LARS2: variants seen among roughly 807,000 people sequenced by gnomAD.
The protein encoded by LARS2 is leucine--tRNA ligase, mitochondrial.
In LARS2, 81 loss-of-function variants were observed where a neutral mutation model predicts 116.6. That is an observed-to-expected ratio of 0.69 (90% CI 0.58 to 0.84). The LOEUF is 0.84. LARS2 is among the 40% of genes least tolerant of loss of function. LARS2 has a pLI of 0.00. For missense variants in LARS2, 968 were observed against 1,114.5 expected, an observed-to-expected ratio of 0.87 and a Z score of 1.87; for synonymous variants, 396 against 407.2, an observed-to-expected ratio of 0.97 and a Z score of 0.33.
chr3:45,485,640 G>A, intron 10 of LARS2, 52 bp from the exon 11 acceptor site: 1 of 962,504 alleles, frequency 1.0e-6, no homozygotes. Flanking sequence ...GATTCAGATG[G>A]TGTTGGTGTC....
intron 6 of LARS2, among the ~76,000 whole-genome samples, chr3:45,426,395 G>T (rs752101015): frequency 1.3e-5 from 2 of 152,234 alleles, no homozygotes; most frequent in Non-Finnish European, 2.9e-5. Flanking sequence ...CCTCTTTCAA[G>T]TGCTCACAGA....
At chr3:45,438,727 C>A (rs374908017) in intron 6 of LARS2, among the ~76,000 whole-genome samples, 1 of 151,544 alleles carries the variant, frequency 6.6e-6, no homozygotes, top group African/African-American at 2.4e-5. Flanking sequence ...CCCAGCTACT[C>A]TGGAGGCTGA....
In LARS2 at chr3:45,447,507, C is replaced by G. The variant is rs549057899; in HGVS notation, c.606+527C>G. On this transcript the variant is annotated intron_variant, in intron 7 of 21. Coordinates refer to ENST00000645846, the MANE Select transcript of LARS2 (RefSeq NM_015340.4). ...ATGTTATTATTGTGGGAATGAGCTCCCAATAAAAGGATGAGTTCAGCCAAA... is the reference window on the plus strand; with the variant it reads ...ATGTTATTATTGTGGGAATGAGCTCGCAATAAAAGGATGAGTTCAGCCAAA... Among the ~76,000 whole-genome samples, 136 of 150,602 alleles carry G rather than the reference C, an allele frequency of 9.0e-4. 1 individual carries two copies. The highest frequency in any genetic ancestry group is 2.4e-4 in the Non-Finnish European group (16 of 67,576).
At chr3:45,461,721 G>A (rs1027258348) in intron 8 of LARS2, among the ~76,000 whole-genome samples, 2 of 152,146 alleles carry the variant, frequency 1.3e-5, no homozygotes, top group Non-Finnish European at 2.9e-5. Context: ...GAAGTGAGTA[G>A]GTTAGAAAAA....
chr3:45,489,902 C>T (rs1699885400), intron 12 of LARS2, among the ~76,000 whole-genome samples: 2 of 152,152 alleles, frequency 1.3e-5, no homozygotes, highest in Admixed American at 1.3e-4. Flanking sequence ...CATAGTGATG[C>T]CACACCTGGC....
chr3:45,470,187 C>A (rs1038605224), intron 8 of LARS2, among the ~76,000 whole-genome samples: 1 of 152,134 alleles, frequency 6.6e-6, no homozygotes, highest in African/African-American at 2.4e-5. Context: ...TCATGTCGTA[C>A]CTTGTTCTTA....
In LARS2 at chr3:45,394,589, A is replaced by G; in HGVS notation, c.136A>G (p.Lys46Glu). 2 of 1,614,194 alleles carry G rather than the reference A, an allele frequency of 1.2e-6. No individual in the cohort carries two copies. The highest frequency in any genetic ancestry group is 1.7e-6 in the Non-Finnish European group (2 of 1,180,010). ...CTRSIYSATG[K>E]WTKEYTLQTR... ...CAGAAGCATCTACAGTGCCACGGGAAAGTGGACAAAAGAGTATACATTGCA... is the reference window on the plus strand; with the variant it reads ...CAGAAGCATCTACAGTGCCACGGGAGAGTGGACAAAAGAGTATACATTGCA... The change falls in exon 3 of 22, where the codon AAG becomes GAG. Residue 46 changes from lysine (K) to glutamate (E), a missense_variant. Coordinates refer to ENST00000645846, the MANE Select transcript of LARS2 (RefSeq NM_015340.4).
intron 9 of LARS2, among the ~76,000 whole-genome samples, chr3:45,475,327 T>C (rs1328978149): frequency 1.3e-5 from 2 of 152,204 alleles, no homozygotes; most frequent in African/African-American, 4.8e-5. Context: ...TTACTCCAAC[T>C]GCAAACATGG....
At position 45,548,379 on chromosome 3, in the gene LARS2, C is replaced by T. The variant is rs958480734; in HGVS notation, c.*849C>T. The T allele has an allele frequency of 3.3e-5, 5 of 152,454 alleles. No homozygotes were observed. The highest frequency in any genetic ancestry group is 1.2e-4 in the African/African-American group (5 of 41,588). The allele number at this position is 152,454 out of a possible 1,614,324, so 9.4% of individuals were successfully genotyped here. On this transcript the variant is annotated 3_prime_UTR_variant, in exon 22 of 22. Coordinates refer to ENST00000645846, the MANE Select transcript of LARS2 (RefSeq NM_015340.4). ...GCTGGTCCCAACCTCAGAGCCCCAC[C>T]GCAGCCCAGTAGGGATGCAGCACGC...
intron 10 of LARS2, 90 bp downstream of exon 10, chr3:45,476,717 T>C: frequency 7.5e-7 from 1 of 1,324,678 alleles, no homozygotes; most frequent in East Asian, 2.3e-5. Context: ...TTCCTCTATG[T>C]CATCTTGCGT....
At chr3:45,390,984 C>A (rs72881341) in intron 1 of LARS2, among the ~76,000 whole-genome samples, 2,088 of 152,316 alleles carry the variant, frequency 0.014, 47 homozygotes, top group African/African-American at 0.048. Flanking sequence ...TCTTTTCACA[C>A]ACATGAGCTC....
At chr3:45,543,146 A>C (rs1700822445) in intron 21 of LARS2, among the ~76,000 whole-genome samples, 1 of 152,050 alleles carries the variant, frequency 6.6e-6, no homozygotes, top group African/African-American at 2.4e-5. Context: ...CTGCCACCCC[A>C]CCCCAAGGGA....
At chr3:45,517,523 G>A (rs1700386799) in intron 17 of LARS2, among the ~76,000 whole-genome samples, 1 of 152,244 alleles carries the variant, frequency 6.6e-6, no homozygotes, top group Non-Finnish European at 1.5e-5. Context: ...GCACCAGCAG[G>A]AGTCAGCACT....
intron 15 of LARS2, among the ~76,000 whole-genome samples, chr3:45,511,051 G>A (rs1330469788): frequency 6.6e-6 from 1 of 152,208 alleles, no homozygotes; most frequent in Admixed American, 6.5e-5. Context: ...GAGTGCTGCT[G>A]TCGATGAATG....
chr3:45,419,579 T>C (rs536382097), intron 5 of LARS2, 90 bp from the exon 6 acceptor site: 28 of 984,330 alleles, frequency 2.8e-5, no homozygotes, highest in African/African-American at 5.0e-5. Flanking sequence ...ATTTAGACTT[T>C]TTCAGTTTCC....
intron 13 of LARS2, among the ~76,000 whole-genome samples, chr3:45,494,080 T>TG (rs1485419804): frequency 6.6e-6 from 1 of 152,172 alleles, no homozygotes; most frequent in African/African-American, 2.4e-5. Context: ...CAGCCCTGGG[T>TG]GGTAGGAAGC....
chr3:45,449,920 G>T (rs1341871976), intron 7 of LARS2, among the ~76,000 whole-genome samples: 7 of 152,164 alleles, frequency 4.6e-5, no homozygotes, highest in African/African-American at 1.7e-4. Flanking sequence ...TCCACCAAAT[G>T]TTCAGTTCTG....
intron 20 of LARS2, among the ~76,000 whole-genome samples, chr3:45,526,757 G>C (rs1700536955): frequency 6.6e-6 from 1 of 151,948 alleles, no homozygotes; most frequent in Non-Finnish European, 1.5e-5. Flanking sequence ...TCTCCCAGTG[G>C]ACAAACAACA....
chr3:45,419,258 C>T (rs2125687677), intron 5 of LARS2, among the ~76,000 whole-genome samples: 1 of 152,224 alleles, frequency 6.6e-6, no homozygotes, highest in East Asian at 1.9e-4. Context: ...TTTGGATTCC[C>T]ACAATTTATA....
Sources: gnomAD v4.1 joint callset for allele counts (sites outside exome capture counted in the v4.1 genomes callset) on GRCh38, gnomAD v4.1.1 for gene constraint, MANE v1.5 for transcripts, NCBI Gene and HGNC (gene_info 2026-07-23, HGNC 2026-07-21) for gene names.